Variants in BCAM observed in about 807,000 individuals in gnomAD.
BCAM encodes basal cell adhesion molecule.
A neutral mutation model predicts 72.4 loss-of-function variants in BCAM; 61 were observed. The ratio of observed to expected loss-of-function variants is 0.84; its 90% CI spans 0.69 to 1.04. The LOEUF is 1.04. Among genes scored for constraint, BCAM ranks in the 50% least tolerant of loss-of-function variants. The pLI, the probability that BCAM is intolerant of heterozygous loss-of-function variation, is 0.00. For synonymous variants in BCAM, 408 were observed against 384.2 expected, an observed-to-expected ratio of 1.06 and a Z score of -0.73; for missense variants, 909 against 895.0, an observed-to-expected ratio of 1.02 and a Z score of -0.20.
Position 44,811,266 on chromosome 19 carries a change from G to A in BCAM, c.124G>A (p.Glu42Lys). 9 of 1,613,094 alleles carry A rather than the reference G, an allele frequency of 5.6e-6. No homozygotes were observed. The highest frequency in any genetic ancestry group is 6.8e-6 in the Non-Finnish European group (8 of 1,179,932). The part of the protein sequence containing the change: ...EVRLSVPPLV[E>K]VMRGKSVILD... ...GCGCTTGTCTGTACCCCCGCTGGTGGAGGTGATGCGAGGAAAGTCTGTCAT... is the reference window on the plus strand; with the variant it reads ...GCGCTTGTCTGTACCCCCGCTGGTGAAGGTGATGCGAGGAAAGTCTGTCAT... Residue 42 changes from glutamate (E) to lysine (K), a missense_variant, in exon 2 of 15, where the codon GAG (glutamate) becomes AAG (lysine). By Grantham distance (56) the Glu-to-Lys change is moderately conservative. Coordinates refer to ENST00000270233, the MANE Select transcript of BCAM (RefSeq NM_005581.5).
intron 13 of BCAM, chr19:44,819,991 A>C: frequency 2.3e-6 from 3 of 1,311,122 alleles, no homozygotes; most frequent in South Asian, 2.3e-5. Flanking sequence ...CCCCAAGCCA[A>C]ACTCAACACC....
At position 44,814,687 on chromosome 19, in the gene BCAM, T is replaced by C; in HGVS notation, c.1005T>C (p.Tyr335=). ...TGACCCGGGGCCAGAGCGGGACCTA[T>C]GGCTGCAGAGTGGAGGATTACGACG... is the stretch of plus-strand genomic sequence containing the variant. ...EGVTRGQSGT[Y]GCRVEDYDAA... Residue 335 remains tyrosine (Y), a synonymous_variant, in exon 8 of 15, where the codon TAT becomes TAC. Coordinates refer to ENST00000270233, the MANE Select transcript of BCAM (RefSeq NM_005581.5). This position sits in a 1 kb window ranked among gnomAD's most constrained non-coding sequence, Gnocchi z 4.6. 6.2e-7 allele frequency: 1 copy of C among 1,614,060 alleles called. No homozygotes were observed. Among genetic ancestry groups the C allele is most frequent in the Non-Finnish European group, 8.5e-7 (1 of 1,180,020 alleles).
chr19:44,813,744 A>T lies in BCAM; in HGVS notation c.784+124A>T. 1 of 1,336,782 alleles carries T rather than the reference A, an allele frequency of 7.5e-7. No homozygotes were observed. Among genetic ancestry groups the T allele is most frequent in the Admixed American group, 2.6e-5 (1 of 39,178 alleles). The allele number at this position is 1,336,782 out of a possible 1,614,324, so 82.8% of individuals were successfully genotyped here. ...CCTCCCTACTTCATGCTAAAAAAAA[A>T]TGTGCTAGTGCTGGCCACTGACCTC... On this transcript the variant is annotated intron_variant, in intron 6 of 14. Transcript: ENST00000270233. This position sits in a 1 kb window ranked among gnomAD's most constrained non-coding sequence, Gnocchi z 4.2.
At position 44,811,840 on chromosome 19, in the gene BCAM, G is replaced by A. The variant is rs952890807; in HGVS notation, c.205-323G>A. 4 of 420,042 alleles carry A rather than the reference G, an allele frequency of 9.5e-6. No individual in the cohort carries two copies. The Admixed American group carries it at 1.3e-4, about 14-fold the overall frequency. The allele number at this position is 420,042 out of a possible 1,614,324, so 26.0% of individuals were successfully genotyped here. ...GTAGAGGTTGCAGTGAGCCGAGATC[G>A]AGCCAATGCTCTCCAGCCAGGCGAC... On this transcript the variant is annotated intron_variant, in intron 2 of 14. Transcript: ENST00000270233.
In BCAM at chr19:44,819,379, G is replaced by T; in HGVS notation, c.1507G>T (p.Val503Leu). ...AEPIPGRQGW[V>L]SSSLTLKVTS... ...GCCAATCCCCGGACGGCAGGGTTGG[G>T]TGAGCAGCTCTCTGACCCTGAAAGT... The change falls in exon 12 of 15, where the codon GTG becomes TTG. Residue 503 changes from valine (V) to leucine (L), a missense_variant. Coordinates refer to ENST00000270233, the MANE Select transcript of BCAM (RefSeq NM_005581.5). The T allele has an allele frequency of 6.2e-7, 1 of 1,614,086 alleles. No homozygotes were observed. The highest frequency in any genetic ancestry group is 1.3e-5 in the African/African-American group (1 of 75,034).
At chr19:44,819,870 TCCCCAACTACAG>T in intron 13 of BCAM, 144 bp downstream of exon 13, 1 of 1,404,548 alleles carries the variant, frequency 7.1e-7, no homozygotes, top group Non-Finnish European at 9.2e-7. Context: ...CCCATCCTCA[TCCCCAACTACAG>T]CCCCAAACCC....
Position 44,812,003 on chromosome 19 carries a change from A to C in BCAM, c.205-160A>C. 1 of 689,142 alleles carries C rather than the reference A, an allele frequency of 1.5e-6. No individual in the cohort carries two copies. Among genetic ancestry groups the C allele is most frequent in the Non-Finnish European group, 2.5e-6 (1 of 406,326 alleles). 42.7% of individuals were successfully genotyped at this position (689,142 alleles called of 1,614,324 possible). ...AGGAAAAATCAAGAACTGATAGGGA[A>C]TGGGGGCAGGAGAAGGTGGGGAGGG... is the stretch of plus-strand genomic sequence containing the variant. On this transcript the variant is annotated intron_variant, in intron 2 of 14. Transcript: ENST00000270233. The surrounding 1 kb of genome is among the most constrained non-coding windows in gnomAD (Gnocchi z 5.3).
chr19:44,810,716 G>T (rs376855400), intron 1 of BCAM, among the ~76,000 whole-genome samples: 1 of 152,238 alleles, frequency 6.6e-6, no homozygotes, highest in African/African-American at 2.4e-5. Context: ...CCTGCCCTGG[G>T]GGGTGGCGTG....
At position 44,812,384 on chromosome 19, in the gene BCAM, C is replaced by T. The variant is rs753363632; in HGVS notation, c.426C>T (p.Asn142=). 1.7e-5 allele frequency: 27 copies of T among 1,614,026 alleles called. No homozygotes were observed. The highest frequency in any genetic ancestry group is 2.2e-5 in the East Asian group (1 of 44,886). The change falls in exon 3 of 15, where the codon AAC becomes AAT. Residue 142 remains asparagine (N), a synonymous_variant. Transcript: ENST00000270233. This position sits in a 1 kb window ranked among gnomAD's most constrained non-coding sequence, Gnocchi z 5.3. ...CTGCTGAGGCCACTGCGCGGCTCAA[C>T]GTGTTTGGTAAGTGTCCTCGGGCAT... ...AGTAEATARL[N]VFAKPEATEV...
At position 44,820,688 on chromosome 19, in the gene BCAM, C is replaced by G. The variant is rs1417564957; in HGVS notation, c.1764-17C>G. 1 of 1,401,182 alleles carries G rather than the reference C, an allele frequency of 7.1e-7. No individual in the cohort carries two copies. Among genetic ancestry groups the G allele is most frequent in the Non-Finnish European group, 9.3e-7 (1 of 1,074,052 alleles). 86.8% of individuals were successfully genotyped at this position (1,401,182 alleles called of 1,614,324 possible). On this transcript the variant is annotated splice_polypyrimidine_tract_variant and intron_variant, in intron 13 of 14. Transcript: ENST00000270233. Reference sequence around the variant, plus strand: ...ACCTCCAACACGACGCCTCCGCCCGCTGCCTCCTCCCCCCAGGCCGCCAGG... The same window carrying G: ...ACCTCCAACACGACGCCTCCGCCCGGTGCCTCCTCCCCCCAGGCCGCCAGG...
In BCAM at chr19:44,811,338, T is replaced by G; in HGVS notation, c.196T>G (p.Trp66Gly). The change falls in exon 2 of 15, where the codon TGG (tryptophan) becomes GGG (glycine). Residue 66 changes from tryptophan (W) to glycine (G), a missense_variant. Transcript: ENST00000270233. ...TGTHDHYMLE[W>G]FLTDRSGARP... Reference sequence around the variant, plus strand: ...AACCCACGACCATTATATGCTGGAATGGTTCCTTGTGAGTGCTTGGGGCTG... The same window carrying G: ...AACCCACGACCATTATATGCTGGAAGGGTTCCTTGTGAGTGCTTGGGGCTG... The G allele has an allele frequency of 6.2e-7, 1 of 1,613,002 alleles. No individual in the cohort carries two copies. Among genetic ancestry groups the G allele is most frequent in the Middle Eastern group, 1.7e-4 (1 of 6,044 alleles).
rs535073866 is a variant in BCAM, at chr19:44,809,803, C to T, written c.82+597C>T. ...AAAGTGTTTCCAAGTGACAGGCCCCCTTCCTGGGGCCTCAGCTACATTTAC... is the reference window on the plus strand; with the variant it reads ...AAAGTGTTTCCAAGTGACAGGCCCCTTTCCTGGGGCCTCAGCTACATTTAC... On this transcript the variant is annotated intron_variant, in intron 1 of 14. Transcript: ENST00000270233. Among the ~76,000 whole-genome samples, 77 of 146,130 alleles carry T rather than the reference C, an allele frequency of 5.3e-4. 1 individual carries two copies. The South Asian group carries it at 0.016, about 30-fold the overall frequency.
chr19:44,810,723 C>T (rs946249350), intron 1 of BCAM, among the ~76,000 whole-genome samples: 1 of 152,164 alleles, frequency 6.6e-6, no homozygotes, highest in Non-Finnish European at 1.5e-5. Flanking sequence ...TGGGGGGTGG[C>T]GTGTGCTCTG....
chr19:44,820,079 T>A, intron 13 of BCAM: 1 of 1,102,040 alleles, frequency 9.1e-7, no homozygotes, highest in South Asian at 3.6e-5. Context: ...ATCCCAACCC[T>A]GCCCCCAATC....
chr19:44,811,521 A>C, intron 2 of BCAM, 175 bp downstream of exon 2: 1 of 1,052,976 alleles, frequency 9.5e-7, no homozygotes, highest in Non-Finnish European at 1.4e-6. Flanking sequence ...GTGTCTAGGC[A>C]CAGCCAAGTC....
intron 13 of BCAM, chr19:44,820,444 C>T: frequency 2.5e-6 from 3 of 1,222,864 alleles, no homozygotes; most frequent in South Asian, 3.8e-5. Context: ...CAATCCGTAA[C>T]CATCCCAGAC....
In BCAM at chr19:44,819,686, G is replaced by A; in HGVS notation, c.1723G>A (p.Gly575Arg). 18 of 1,612,342 alleles carry A rather than the reference G, an allele frequency of 1.1e-5. No homozygotes were observed. The highest frequency in any genetic ancestry group is 1.5e-5 in the Non-Finnish European group (18 of 1,179,116). Residue 575 changes from glycine (G) to arginine (R), a missense_variant, in exon 13 of 15, where the codon GGG becomes AGG. Gly to Arg is a moderately radical substitution (Grantham distance 125). Transcript: ENST00000270233. The stretch of plus-strand genomic sequence containing the variant: ...TGTCTTCTACTGCGTGAGACGCAAA[G>A]GGGGCCCCTGCTGCCGCCAGCGGCG... ...VAVFYCVRRKGGPCCRQRREK... is the reference protein window; with the variant it reads ...VAVFYCVRRKRGPCCRQRREK...
Position 44,812,065 on chromosome 19 carries a change from GAGGCAGAGCC to G in BCAM, c.205-94_205-85del. 3 of 1,205,098 alleles carry G rather than the reference GAGGCAGAGCC, an allele frequency of 2.5e-6. No individual in the cohort carries two copies. Among genetic ancestry groups the G allele is most frequent in the Non-Finnish European group, 3.5e-6 (3 of 864,352 alleles). The allele number at this position is 1,205,098 out of a possible 1,614,324, so 74.7% of individuals were successfully genotyped here. A position where few individuals can be genotyped will look rare whatever the true frequency, so the allele number is the denominator to read the frequency against. ...AGGGAGACCCATAACAAGAGGAAAAGAGGCAGAGCCAGGAGCTGCAGAGAGAAAGGACCCA... is the reference window on the plus strand; with the variant it reads ...AGGGAGACCCATAACAAGAGGAAAAGAGGAGCTGCAGAGAGAAAGGACCCA... On this transcript the variant is annotated intron_variant, in intron 2 of 14. Coordinates refer to ENST00000270233, the MANE Select transcript of BCAM (RefSeq NM_005581.5). This position sits in a 1 kb window ranked among gnomAD's most constrained non-coding sequence, Gnocchi z 5.3.
chr19:44,820,531 C>T, intron 13 of BCAM, 174 bp from the exon 14 acceptor site: 2 of 1,288,634 alleles, frequency 1.6e-6, no homozygotes, highest in Non-Finnish European at 2.0e-6. Flanking sequence ...CAACCCTAAC[C>T]CCAGTGCCAT....
Sources: gnomAD v4.1 joint callset for allele counts (sites outside exome capture counted in the v4.1 genomes callset) on GRCh38, gnomAD v4.1.1 for gene constraint, Gnocchi (gnomAD v3.1) non-coding constraint, MANE v1.5 for transcripts, NCBI Gene and HGNC (gene_info 2026-07-23, HGNC 2026-07-21) for gene names.